The following PCDHGA8 variants were observed in gnomAD, a reference collection of about 807,000 sequenced individuals.
The protein encoded by PCDHGA8 is protocadherin gamma subfamily A, 8, also known as protocadherin gamma-A8.
PCDHGA8 carries 45 observed loss-of-function variants against 59.2 expected under a neutral mutation model. The observed-to-expected ratio is 0.76, with a 90% CI of 0.60 to 0.98. The LOEUF (loss-of-function observed/expected upper bound fraction) is 0.98, where lower values mean the gene tolerates loss of function less well. Ranked by LOEUF, PCDHGA8 falls within the 50% of genes least tolerant of loss-of-function variation. The pLI, the probability that PCDHGA8 is intolerant of heterozygous loss-of-function variation, is 0.00. For missense variants in PCDHGA8, 1,257 were observed against 1,196.2 expected (o/e 1.05, Z -0.75); for synonymous variants, 531 against 519.0 (o/e 1.02, Z -0.32).
In PCDHGA8 at chr5:141,485,589, A is replaced by G. The variant is rs1407992185; in HGVS notation, c.2425-9218A>G. 6.2e-7 allele frequency: 1 copy of G among 1,612,610 alleles called. No homozygotes were observed. Among genetic ancestry groups the G allele is most frequent in the Non-Finnish European group, 8.5e-7 (1 of 1,178,834 alleles). On this transcript the variant is annotated intron_variant, in intron 1 of 3. Coordinates refer to ENST00000398604, the MANE Select transcript of PCDHGA8 (RefSeq NM_032088.2). The surrounding 1 kb of genome is among the most constrained non-coding windows in gnomAD (Gnocchi z 5.7). Reference sequence around the variant, plus strand: ...CCCCGTTTTCCGCGGCAGCAGCTGGACTTGGAAATTGGGGAGGCAGCTCCT... The same window carrying G: ...CCCCGTTTTCCGCGGCAGCAGCTGGGCTTGGAAATTGGGGAGGCAGCTCCT...
intron 1 of PCDHGA8, among the ~76,000 whole-genome samples, chr5:141,454,743 G>A (rs1050167077): frequency 6.7e-6 from 1 of 149,684 alleles, no homozygotes; most frequent in African/African-American, 2.5e-5. Context: ...ATGAAAAGAG[G>A]CCAAACTAAT....
chr5:141,462,125 A>G (rs918645911), intron 1 of PCDHGA8, among the ~76,000 whole-genome samples: 24 of 151,688 alleles, frequency 1.6e-4, no homozygotes, highest in African/African-American at 5.6e-4. Flanking sequence ...ACCCAGTCCA[A>G]TTTTTTGTAT....
At position 141,477,107 on chromosome 5, in the gene PCDHGA8, C is replaced by A. The variant is rs1431445150; in HGVS notation, c.2425-17700C>A. ...CCAGGCCAAAGACAAGGGCGCCAAT[C>A]CCGAAGGAGCACATTGCAAAGTGTT... On this transcript the variant is annotated intron_variant, in intron 1 of 3. Coordinates refer to ENST00000398604, the MANE Select transcript of PCDHGA8 (RefSeq NM_032088.2). This position sits in a 1 kb window ranked among gnomAD's most constrained non-coding sequence, Gnocchi z 4.9. 1 of 1,614,252 alleles carries A rather than the reference C, an allele frequency of 6.2e-7. No homozygotes were observed. The highest frequency in any genetic ancestry group is 8.5e-7 in the Non-Finnish European group (1 of 1,180,048).
chr5:141,500,148 G>T (rs936567158), intron 2 of PCDHGA8, among the ~76,000 whole-genome samples: 6 of 150,990 alleles, frequency 4.0e-5, no homozygotes, highest in African/African-American at 1.5e-4. Flanking sequence ...ACTTTTCTTT[G>T]TGTAATCAAA....
At chr5:141,395,648 T>G (rs2093296043) in intron 1 of PCDHGA8, 1 of 167,156 alleles carries the variant, frequency 6.0e-6, no homozygotes, top group South Asian at 1.9e-4. Context: ...GTTATTAGCT[T>G]AGCAAAAGTA....
rs770419617 is a variant in PCDHGA8, at chr5:141,421,523, C to T, written c.2424+26286C>T. The T allele has an allele frequency of 2.5e-6, 4 of 1,614,034 alleles. No homozygotes were observed. In the Admixed American group the frequency reaches 5.0e-5, roughly 20 times the overall value. ...ATAGACCGGGAGGAGCTCTGTGAGA[C>T]GGTGTCCTCCTGTTTTTTAAATATG... On this transcript the variant is annotated intron_variant, in intron 1 of 3. Transcript: ENST00000398604.
intron 1 of PCDHGA8, among the ~76,000 whole-genome samples, chr5:141,438,637 C>G (rs11958903): frequency 3.2e-5 from 1 of 30,940 alleles, no homozygotes. Context: ...TATATATATA[C>G]ACACACACAC....
rs549842756 is a variant in PCDHGA8 at position 141,470,331 on chromosome 5, A to T, written c.2425-24476A>T. ...TTTCCTCAAATGATCCCATAATTTG[A>T]CCTTAGGAAGCTGTTCAAATAGACA... is the stretch of plus-strand genomic sequence containing the variant. On this transcript the variant is annotated intron_variant, in intron 1 of 3. Transcript: ENST00000398604. 3.3e-4 allele frequency among the ~76,000 whole-genome samples: 50 copies of T among 152,244 alleles called. 1 individual carries two copies. Among genetic ancestry groups the T allele is most frequent in the African/African-American group, 1.1e-3 (47 of 41,536 alleles).
chr5:141,396,592 C>G (rs886214200), intron 1 of PCDHGA8: 3 of 151,870 alleles, frequency 2.0e-5, no homozygotes, highest in Admixed American at 2.0e-4. Context: ...TGCACTCCAG[C>G]CTGGGCAACA....
In PCDHGA8 at chr5:141,490,801, A is replaced by G; in HGVS notation, c.2425-4006A>G. On this transcript the variant is annotated intron_variant, in intron 1 of 3. Transcript: ENST00000398604. The surrounding 1 kb of genome is among the most constrained non-coding windows in gnomAD (Gnocchi z 5.4). ...GGATGGACGGATCTTTGCCCAGCGT[A>G]CCTTTGACTATGAATTGCTGCAGAT... The G allele has an allele frequency of 6.2e-7, 1 of 1,613,854 alleles. No homozygotes were observed. Among genetic ancestry groups the G allele is most frequent in the African/African-American group, 1.3e-5 (1 of 75,042 alleles).
At chr5:141,467,008 AT>A (rs1165146249) in intron 1 of PCDHGA8, among the ~76,000 whole-genome samples, 2 of 150,270 alleles carry the variant, frequency 1.3e-5, no homozygotes, top group Non-Finnish European at 3.0e-5. Context: ...TTGCAATGCA[AT>A]TTTTTTCCCT....
chr5:141,496,888 T>TAAA (rs35063790), intron 2 of PCDHGA8, among the ~76,000 whole-genome samples: 5 of 134,118 alleles, frequency 3.7e-5, no homozygotes, highest in East Asian at 4.4e-4. Context: ...AAGTAACACT[T>TAAA]AAAAAAAAAA....
At chr5:141,508,017 G>C (rs2099865601) in intron 3 of PCDHGA8, 1 of 152,310 alleles carries the variant, frequency 6.6e-6, no homozygotes, top group Non-Finnish European at 1.5e-5. Context: ...TCTCAAGGAG[G>C]CTGCGGTTTG....
chr5:141,407,371 T>C (rs2094921499), intron 1 of PCDHGA8, among the ~76,000 whole-genome samples: 1 of 152,222 alleles, frequency 6.6e-6, no homozygotes, highest in South Asian at 2.1e-4. Context: ...CAGATATCCA[T>C]GAAGGCTTGT....
intron 1 of PCDHGA8, chr5:141,411,714 G>C (rs889829564): frequency 6.6e-6 from 1 of 152,420 alleles, no homozygotes; most frequent in Middle Eastern, 3.1e-3. Context: ...AGACTCCATC[G>C]CTACAGAACA....
intron 1 of PCDHGA8, among the ~76,000 whole-genome samples, chr5:141,457,665 G>A (rs2098927092): frequency 6.6e-6 from 1 of 152,330 alleles, no homozygotes; most frequent in Non-Finnish European, 1.5e-5. Flanking sequence ...AGCAAGAATG[G>A]TTATTTCTAC....
chr5:141,413,656 G>A, intron 1 of PCDHGA8: 1 of 1,613,872 alleles, frequency 6.2e-7, no homozygotes, highest in Non-Finnish European at 8.5e-7. Flanking sequence ...TCTCCCGGAA[G>A]CTATTGATCC....
intron 1 of PCDHGA8, chr5:141,421,399 C>G: frequency 4.3e-6 from 7 of 1,614,046 alleles, no homozygotes; most frequent in Non-Finnish European, 5.1e-6. Context: ...GCTGGAGCCC[C>G]GGGAGCTGGC....
At chr5:141,414,802 G>C (rs201378410) in intron 1 of PCDHGA8, 3 of 1,614,108 alleles carry the variant, frequency 1.9e-6, no homozygotes, top group Admixed American at 3.3e-5. Flanking sequence ...CGACAGCGGG[G>C]ATCCTCCACT....
Sources: allele counts gnomAD v4.1 joint callset (sites outside exome capture counted in the v4.1 genomes callset), GRCh38; gene constraint gnomAD v4.1.1; non-coding constraint Gnocchi (gnomAD v3.1); transcripts MANE v1.5; gene names NCBI Gene and HGNC (gene_info 2026-07-23, HGNC 2026-07-21).